Variants in SOD2 observed in about 807,000 individuals in gnomAD.
SOD2 encodes superoxide dismutase [Mn], mitochondrial.
In SOD2, 11 loss-of-function variants were observed where a neutral mutation model predicts 27.0. That is an observed-to-expected ratio of 0.41 (90% CI 0.26 to 0.67). SOD2 has a LOEUF of 0.67. SOD2 is among the 30% of genes least tolerant of loss of function. The pLI is 0.34. For synonymous variants in SOD2, 105 were observed against 103.0 expected, an observed-to-expected ratio of 1.02 and a Z score of -0.12; for missense variants, 250 against 274.5, an observed-to-expected ratio of 0.91 and a Z score of 0.63.
intron 2 of SOD2, among the ~76,000 whole-genome samples, chr6:159,689,405 A>G (rs1780345647): frequency 6.6e-6 from 1 of 152,236 alleles, no homozygotes; most frequent in African/African-American, 2.4e-5. Flanking sequence ...AACTCCTGGC[A>G]TACTGCATGG....
chr6:159,684,247 C>G (rs1333342928), intron 4 of SOD2, among the ~76,000 whole-genome samples: 1 of 152,066 alleles, frequency 6.6e-6, no homozygotes, highest in Admixed American at 6.6e-5. Flanking sequence ...TGTTCTATAG[C>G]TAATTTTTTT....
At chr6:159,743,856 CAT>C (rs1779405392) in intron 1 of SOD2, 11 of 1,462,456 alleles carry the variant, frequency 7.5e-6, no homozygotes, top group Admixed American at 7.1e-5. Flanking sequence ...CACATTATTA[CAT>C]GTTAATTTTA....
Position 159,736,483 on chromosome 6 carries a change from A to G in SOD2, c.-116+8647T>C, listed in dbSNP as rs1402525928. On this transcript the variant is annotated intron_variant, in intron 1 of 3. Coordinates refer to the SOD2 transcript ENST00000537657. Reference sequence around the variant, plus strand: ...AGATATTGTATCTTATATCCAGTATATTTTTTAGAATATTTTCAGATTTTG... The same window carrying G: ...AGATATTGTATCTTATATCCAGTATGTTTTTTAGAATATTTTCAGATTTTG... The G allele has an allele frequency of 9.0e-6, 4 of 444,084 alleles. 1 individual carries two copies. Among genetic ancestry groups the G allele is most frequent in the East Asian group, 3.3e-5 (1 of 30,168 alleles). The allele number at this position is 444,084 out of a possible 1,614,324, so 27.5% of individuals were successfully genotyped here. A position where few individuals can be genotyped will look rare whatever the true frequency, so the allele number is the denominator to read the frequency against.
intron 3 of SOD2, among the ~76,000 whole-genome samples, chr6:159,687,317 T>G (rs1291259003): frequency 2.6e-5 from 4 of 151,938 alleles, no homozygotes; most frequent in Non-Finnish European, 4.4e-5. Context: ...AAACCCTGTC[T>G]CTACCAAAAA....
At chr6:159,751,425 A>AG (rs1179980192) in intron 1 of SOD2, among the ~76,000 whole-genome samples, 2 of 152,384 alleles carry the variant, frequency 1.3e-5, no homozygotes, top group Middle Eastern at 6.8e-3. Context: ...CTTTGCAAGA[A>AG]GACAGTTTTG....
At chr6:159,733,492 C>T (rs930658575) in intron 1 of SOD2, among the ~76,000 whole-genome samples, 4 of 152,002 alleles carry the variant, frequency 2.6e-5, no homozygotes, top group Non-Finnish European at 4.4e-5. Flanking sequence ...TGTGGTGGCA[C>T]ATGCCTGTAG....
At chr6:159,738,915 T>A (rs1583079235) in intron 1 of SOD2, 3 of 1,059,184 alleles carry the variant, frequency 2.8e-6, no homozygotes, top group Non-Finnish European at 4.2e-6. Flanking sequence ...ACTTGGGAGA[T>A]GTTTCATAGG....
intron 1 of SOD2, among the ~76,000 whole-genome samples, chr6:159,717,540 A>G (rs914128085): frequency 6.6e-6 from 1 of 152,208 alleles, no homozygotes; most frequent in Non-Finnish European, 1.5e-5. Context: ...TATCAATTCA[A>G]ATATCTATTA....
chr6:159,703,282 C>T (rs1208733660), intron 1 of SOD2, among the ~76,000 whole-genome samples: 4 of 152,158 alleles, frequency 2.6e-5, no homozygotes, highest in African/African-American at 9.7e-5. Flanking sequence ...CCATTGCACT[C>T]CAGCCTGGGC....
At chr6:159,759,041 T>C (rs1780069898) in intron 1 of SOD2, among the ~76,000 whole-genome samples, 1 of 151,918 alleles carries the variant, frequency 6.6e-6, no homozygotes, top group Admixed American at 6.6e-5. Flanking sequence ...ATTTGAGATC[T>C]AGATGTAATT....
At position 159,714,443 on chromosome 6, in the gene SOD2, A is replaced by G. The variant is rs148776139; in HGVS notation, c.-116+12686T>C. Among the ~76,000 whole-genome samples, 317 of 152,180 alleles carry G rather than the reference A, an allele frequency of 2.1e-3. 1 individual carries two copies. The highest frequency in any genetic ancestry group is 7.2e-3 in the African/African-American group (299 of 41,530). On this transcript the variant is annotated intron_variant, in intron 1 of 2. Transcript: ENST00000401980. The stretch of plus-strand genomic sequence containing the variant: ...TCCATCAGTCCCTTCTCCTGACTGT[A>G]CACTCCCTACTTCACTCCCCAGGCA...
chr6:159,736,244 A>G lies in SOD2; in HGVS notation c.-116+8886T>C, dbSNP rs367793783. 1.6e-5 allele frequency: 26 copies of G among 1,588,134 alleles called. No individual in the cohort carries two copies. The South Asian group carries it at 2.0e-4, about 12-fold the overall frequency. On this transcript the variant is annotated intron_variant, in intron 1 of 3. Transcript: ENST00000537657. ...AAATAAATTGAACTTGTTTTCCGCA[A>G]CTTTTTTTTTTAGGATTCAAGATGA...
intron 1 of SOD2, among the ~76,000 whole-genome samples, chr6:159,708,440 T>G (rs1161017595): frequency 6.6e-6 from 1 of 152,178 alleles, no homozygotes; most frequent in East Asian, 1.9e-4. Context: ...ACAAAATCAA[T>G]ATGCAAAAAT....
upstream of SOD2, chr6:159,727,408 T>C: frequency 3.6e-6 from 2 of 553,380 alleles, no homozygotes; most frequent in East Asian, 8.9e-5. Context: ...CGGGAGGCAG[T>C]GGCGCTGGCC....
intron 4 of SOD2, 21 bp from the exon 5 acceptor site, chr6:159,682,659 A>G (rs1216806646): frequency 6.3e-7 from 1 of 1,596,970 alleles, no homozygotes; most frequent in African/African-American, 1.4e-5. Flanking sequence ...GAAGGGGAAA[A>G]CAAACCAACC....
chr6:159,744,055 T>C (rs888672480), intron 1 of SOD2, among the ~76,000 whole-genome samples: 4 of 152,194 alleles, frequency 2.6e-5, no homozygotes, highest in African/African-American at 9.7e-5. Flanking sequence ...TTCCAGACAT[T>C]TTTCAGATAT....
At chr6:159,693,110 C>A in intron 1 of SOD2, 35 bp downstream of exon 1, 1 of 1,526,770 alleles carries the variant, frequency 6.5e-7, no homozygotes, top group Non-Finnish European at 8.8e-7. Flanking sequence ...GCCCCTTCGC[C>A]CTTGGGGCCG....
chr6:159,727,377 C>CAGGAGGCGGGAGGCGGGAGGCGGGAGGG, upstream of SOD2: 2 of 536,504 alleles, frequency 3.7e-6, no homozygotes, highest in South Asian at 2.8e-5. Flanking sequence ...GGGAGGCTGG[C>CAGGAGGCGGGAGGCGGGAGGCGGGAGGG]GGGAGGCGGG....
intron 1 of SOD2, among the ~76,000 whole-genome samples, chr6:159,716,492 A>G (rs1447335640): frequency 6.6e-6 from 1 of 152,180 alleles, no homozygotes; most frequent in Non-Finnish European, 1.5e-5. Context: ...TCTCCCCGGA[A>G]GGAAAATTTT....
Sources: allele counts gnomAD v4.1 joint callset (sites outside exome capture counted in the v4.1 genomes callset), GRCh38; gene constraint gnomAD v4.1.1; transcripts MANE v1.5; gene names NCBI Gene and HGNC (gene_info 2026-07-23, HGNC 2026-07-21).